Variants in MYO5B observed in about 807,000 individuals in gnomAD.
MYO5B encodes myosin VB, also known as unconventional myosin-Vb.
MYO5B carries 143 observed loss-of-function variants against 229.3 expected under a neutral mutation model. That is an observed-to-expected ratio of 0.62 (90% confidence interval 0.54 to 0.72). The LOEUF (loss-of-function observed/expected upper bound fraction) is 0.72, where lower values mean the gene tolerates loss of function less well. Ranked by LOEUF, MYO5B falls within the 30% of genes least tolerant of loss-of-function variation. The pLI is 0.00. For synonymous variants in MYO5B, 918 were observed against 885.2 expected, an observed-to-expected ratio of 1.04 and a Z score of -0.66; for missense variants, 2,321 against 2,331.0, an observed-to-expected ratio of 1.00 and a Z score of 0.09.
chr18:49,887,380 A>C (rs112185408), intron 22 of MYO5B, among the ~76,000 whole-genome samples: 3,508 of 152,172 alleles, frequency 0.023, 110 homozygotes, highest in African/African-American at 0.076. Context: ...TCTGTGAGCC[A>C]TCTAGATATT....
intron 2 of MYO5B, among the ~76,000 whole-genome samples, chr18:50,042,380 T>G (rs1325768966): frequency 1.3e-5 from 2 of 152,248 alleles, no homozygotes; most frequent in African/African-American, 4.8e-5. Flanking sequence ...GCTAGATGGA[T>G]GACCGTGCAA....
At chr18:49,831,814 C>A (rs1379346736) in intron 39 of MYO5B, among the ~76,000 whole-genome samples, 4 of 152,164 alleles carry the variant, frequency 2.6e-5, no homozygotes, top group African/African-American at 9.7e-5. Context: ...ATGTTCATAG[C>A]GGCATGATTC....
intron 12 of MYO5B, among the ~76,000 whole-genome samples, chr18:49,959,312 A>G (rs944412482): frequency 1.3e-5 from 2 of 152,168 alleles, no homozygotes; most frequent in African/African-American, 4.8e-5. Context: ...TTCCGTGAAC[A>G]TGTGGTTTCT....
At chr18:49,858,783 G>C (rs1598837607) in intron 29 of MYO5B, among the ~76,000 whole-genome samples, 1 of 152,192 alleles carries the variant, frequency 6.6e-6, no homozygotes, top group African/African-American at 2.4e-5. Flanking sequence ...ACAGTGCTCA[G>C]GAAATCAGAC....
chr18:50,163,509 A>G (rs2032800505), intron 1 of MYO5B, among the ~76,000 whole-genome samples: 1 of 152,206 alleles, frequency 6.6e-6, no homozygotes, highest in Non-Finnish European at 1.5e-5. Flanking sequence ...CAGAAACAGC[A>G]TGAATCTCCT....
intron 16 of MYO5B, among the ~76,000 whole-genome samples, chr18:49,931,366 A>C (rs545811685): frequency 6.6e-6 from 1 of 152,018 alleles, no homozygotes; most frequent in South Asian, 2.1e-4. Context: ...CTGCCCTCCC[A>C]AGCCCCACCT....
Position 49,937,234 on chromosome 18 carries a change from C to T in MYO5B, c.1905+11G>A, listed in dbSNP as rs764293508. ...TGCACCTCAGCCCATAGCTTTTGGT[C>T]CGGGGCTGACCTGGTGGCCAACGGT... is the stretch of plus-strand genomic sequence containing the variant. On this transcript the variant is annotated intron_variant, in intron 15 of 39. Coordinates refer to ENST00000285039, the MANE Select transcript of MYO5B (RefSeq NM_001080467.3). The T allele has an allele frequency of 1.9e-6, 3 of 1,613,980 alleles. No homozygotes were observed. The highest frequency in any genetic ancestry group is 2.5e-6 in the Non-Finnish European group (3 of 1,179,898).
rs764462158 is a variant in MYO5B, at chr18:49,843,300, C to T, written c.4552G>A (p.Asp1518Asn). Residue 1518 changes from aspartate (D) to asparagine (N), a missense_variant, in exon 34 of 40, where the codon GAT becomes AAT. Around this residue, in one of 2 missense-constraint regions of MYO5B, gnomAD observed 2,113 missense variants for 2,044.7 expected, o/e 1.03. Coordinates refer to ENST00000285039, the MANE Select transcript of MYO5B (RefSeq NM_001080467.3). ...CIRHADYTND[D>N]LKVHSLLTST... ...GTCAGCAGGGAGTGCACCTTGAGAT[C>T]GTCGTTGGTGTAGTCCGCGTGCCGG... is the stretch of plus-strand genomic sequence containing the variant. 28 of 1,614,150 alleles carry T rather than the reference C, an allele frequency of 1.7e-5. 2 individuals carry two copies. The South Asian group carries it at 2.6e-4, about 15-fold the overall frequency.
At chr18:49,992,549 T>C in intron 5 of MYO5B, 118 bp from the exon 6 acceptor site, 1 of 1,440,986 alleles carries the variant, frequency 6.9e-7, no homozygotes, top group Non-Finnish European at 9.7e-7. Context: ...AAACCCTCTG[T>C]TCTTGGGATG....
intron 4 of MYO5B, among the ~76,000 whole-genome samples, chr18:50,019,070 C>T (rs938395483): frequency 2.0e-5 from 3 of 152,096 alleles, no homozygotes; most frequent in South Asian, 2.1e-4. Flanking sequence ...ATTATCCACC[C>T]GGGAGGCAAG....
intron 27 of MYO5B, among the ~76,000 whole-genome samples, chr18:49,870,971 G>T (rs114222571): frequency 0.02 from 3,042 of 152,198 alleles, 89 homozygotes; most frequent in African/African-American, 0.07. Context: ...TGAAAGCAGG[G>T]TCTCAAAGAG....
chr18:50,040,077 G>C, intron 3 of MYO5B, 66 bp downstream of exon 3: 2 of 1,533,620 alleles, frequency 1.3e-6, no homozygotes, highest in South Asian at 2.2e-5. Flanking sequence ...AAGCATTTGA[G>C]TTGAGCAAGT....
chr18:49,984,888 C>A (rs2025854949), intron 7 of MYO5B, 63 bp from the exon 8 acceptor site: 1 of 1,226,182 alleles, frequency 8.2e-7, no homozygotes, highest in African/African-American at 1.5e-5. Flanking sequence ...CAGATCGTGA[C>A]CCATGAAAAT....
chr18:50,108,767 C>A (rs939121255), intron 1 of MYO5B, among the ~76,000 whole-genome samples: 23 of 152,142 alleles, frequency 1.5e-4, no homozygotes, highest in Non-Finnish European at 1.8e-4. Context: ...TATGTAGTAA[C>A]TCTACTATTG....
chr18:49,905,746 C>G (rs980751933), intron 19 of MYO5B, among the ~76,000 whole-genome samples: 7 of 152,136 alleles, frequency 4.6e-5, no homozygotes, highest in African/African-American at 1.7e-4. Flanking sequence ...AGGGTAGGGT[C>G]AGAGGGCAGG....
intron 27 of MYO5B, among the ~76,000 whole-genome samples, chr18:49,865,737 C>T (rs2024388334): frequency 1.3e-5 from 2 of 152,292 alleles, no homozygotes; most frequent in African/African-American, 4.8e-5. Context: ...TGGCTGTGTG[C>T]CTGTGCTGAC....
chr18:49,929,548 T>C lies in MYO5B; in HGVS notation c.2054A>G (p.Glu685Gly), dbSNP rs2144194943. ...GCCAGCTGCACTGATTCGAATCGTCTCCAACACCCCGCAGGCTCTGAGTTG... is the reference window on the plus strand; with the variant it reads ...GCCAGCTGCACTGATTCGAATCGTCCCCAACACCCCGCAGGCTCTGAGTTG... ...VQQLRACGVL[E>G]TIRISAAGYP... The change falls in exon 17 of 40, where the codon GAG becomes GGG. Residue 685 changes from glutamate to glycine, a missense_variant. Around this residue, in one of 2 missense-constraint regions of MYO5B, gnomAD observed 2,113 missense variants for 2,044.7 expected, o/e 1.03. Transcript: ENST00000285039. The C allele has an allele frequency of 3.7e-6, 6 of 1,606,166 alleles. No individual in the cohort carries two copies. The highest frequency in any genetic ancestry group is 5.1e-6 in the Non-Finnish European group (6 of 1,179,034).
At chr18:49,847,342 G>T in intron 32 of MYO5B, 53 bp from the exon 33 acceptor site, 1 of 1,591,530 alleles carries the variant, frequency 6.3e-7, no homozygotes. Flanking sequence ...CTGCAGGCCT[G>T]AGGGTAGCGG....
chr18:49,908,726 G>A (rs1476913416), intron 18 of MYO5B, among the ~76,000 whole-genome samples: 1 of 152,160 alleles, frequency 6.6e-6, no homozygotes, highest in East Asian at 1.9e-4. Flanking sequence ...TATGGCCATC[G>A]TTACATTAGA....
Sources: allele counts gnomAD v4.1 joint callset (sites outside exome capture counted in the v4.1 genomes callset), GRCh38; gene constraint gnomAD v4.1.1; regional missense constraint gnomAD v4.1.1; transcripts MANE v1.5; gene names NCBI Gene and HGNC (gene_info 2026-07-23, HGNC 2026-07-21).